Variants in ITGBL1 observed in about 807,000 individuals in gnomAD.
ITGBL1 encodes integrin subunit beta like 1.
Under a neutral mutation model 68.5 loss-of-function variants are expected in ITGBL1, and 51 were observed. The observed-to-expected ratio is 0.74, with a 90% CI of 0.59 to 0.94. The LOEUF is 0.94. Among genes scored for constraint, ITGBL1 ranks in the 40% least tolerant of loss-of-function variants. The probability of loss-of-function intolerance (pLI) is 0.00; values close to 1 mark genes in which losing one functional copy is unlikely to be tolerated. For missense variants in ITGBL1, 649 were observed against 647.4 expected, an observed-to-expected ratio of 1.00 and a Z score of -0.03; for synonymous variants, 209 against 227.3, an observed-to-expected ratio of 0.92 and a Z score of 0.72.
chr13:101,617,568 A>T (rs1400956288), intron 7 of ITGBL1, among the ~76,000 whole-genome samples: 1 of 152,186 alleles, frequency 6.6e-6, no homozygotes, highest in East Asian at 1.9e-4. Context: ...TTTCTATGCT[A>T]ATCAAGTTTC....
At chr13:101,511,922 A>C (rs1370976206) in intron 2 of ITGBL1, among the ~76,000 whole-genome samples, 1 of 152,108 alleles carries the variant, frequency 6.6e-6, no homozygotes, top group Non-Finnish European at 1.5e-5. Context: ...TGAAAACCAG[A>C]AGTCTCCTTG....
At chr13:101,482,292 A>G (rs2139041441) in intron 2 of ITGBL1, among the ~76,000 whole-genome samples, 1 of 151,704 alleles carries the variant, frequency 6.6e-6, no homozygotes, top group South Asian at 2.1e-4. Context: ...AAAATTATAG[A>G]TTGCATGTTA....
At chr13:101,639,828 A>G (rs532517414) in intron 7 of ITGBL1, among the ~76,000 whole-genome samples, 2 of 152,348 alleles carry the variant, frequency 1.3e-5, no homozygotes, top group East Asian at 1.9e-4. Context: ...TTATCAGAAT[A>G]GCACTATATA....
chr13:101,643,065 A>G (rs1338116837), intron 7 of ITGBL1, among the ~76,000 whole-genome samples: 1 of 148,480 alleles, frequency 6.7e-6, no homozygotes, highest in Non-Finnish European at 1.5e-5. Context: ...TTGGTTCCAT[A>G]TGAACTTTAA....
chr13:101,522,048 G>T (rs142595809), intron 2 of ITGBL1, among the ~76,000 whole-genome samples: 1 of 151,886 alleles, frequency 6.6e-6, no homozygotes, highest in Non-Finnish European at 1.5e-5. Flanking sequence ...AGAGAGAAGA[G>T]AGCAAAGAGA....
intron 7 of ITGBL1, among the ~76,000 whole-genome samples, chr13:101,630,741 T>A (rs1338076675): frequency 6.6e-6 from 1 of 152,212 alleles, no homozygotes; most frequent in Non-Finnish European, 1.5e-5. Context: ...TGATCTGCAT[T>A]GTTTTCAATG....
At chr13:101,691,237 G>T (rs544864571) in intron 7 of ITGBL1, among the ~76,000 whole-genome samples, 1 of 152,276 alleles carries the variant, frequency 6.6e-6, no homozygotes, top group East Asian at 1.9e-4. Flanking sequence ...CTGAACCTGG[G>T]ACTACCTCCA....
At chr13:101,475,250 T>C (rs1023078297) in intron 2 of ITGBL1, among the ~76,000 whole-genome samples, 9 of 152,102 alleles carry the variant, frequency 5.9e-5, no homozygotes, top group African/African-American at 2.2e-4. Context: ...ATTGAAATAA[T>C]TAAAAAAAGC....
intron 2 of ITGBL1, among the ~76,000 whole-genome samples, chr13:101,532,312 AT>A (rs1308474257): frequency 6.6e-6 from 1 of 152,214 alleles, no homozygotes; most frequent in East Asian, 1.9e-4. Flanking sequence ...TATTCAGTAC[AT>A]TATCTATCAA....
chr13:101,601,376 C>CA (rs946872166), intron 7 of ITGBL1, among the ~76,000 whole-genome samples: 178 of 152,054 alleles, frequency 1.2e-3, no homozygotes, highest in African/African-American at 4.1e-3. Context: ...TTGAACTTTT[C>CA]AAAAAACCAG....
intron 2 of ITGBL1, among the ~76,000 whole-genome samples, chr13:101,507,990 A>G (rs1192021034): frequency 6.6e-6 from 1 of 152,120 alleles, no homozygotes; most frequent in Non-Finnish European, 1.5e-5. Flanking sequence ...AGCTGGCTCT[A>G]CAACTAACCT....
At chr13:101,507,971 T>C (rs894772260) in intron 2 of ITGBL1, among the ~76,000 whole-genome samples, 2 of 152,154 alleles carry the variant, frequency 1.3e-5, no homozygotes, top group African/African-American at 4.8e-5. Flanking sequence ...TCTGGACCTC[T>C]CTTTCTGCAG....
At chr13:101,647,138 A>G (rs1213284940) in intron 7 of ITGBL1, among the ~76,000 whole-genome samples, 1 of 152,178 alleles carries the variant, frequency 6.6e-6, no homozygotes, top group Non-Finnish European at 1.5e-5. Flanking sequence ...ATTCACTGAA[A>G]TATATGAAGT....
chr13:101,658,975 C>T (rs941820085), intron 7 of ITGBL1, among the ~76,000 whole-genome samples: 5 of 151,562 alleles, frequency 3.3e-5, no homozygotes, highest in Admixed American at 6.6e-5. Flanking sequence ...TAGACTACAG[C>T]ACTAACAAGT....
chr13:101,640,858 A>G (rs1307448362), intron 7 of ITGBL1, among the ~76,000 whole-genome samples: 2 of 152,172 alleles, frequency 1.3e-5, no homozygotes, highest in African/African-American at 4.8e-5. Context: ...GCTCCCACTT[A>G]TAAATGAAAA....
intron 8 of ITGBL1, among the ~76,000 whole-genome samples, chr13:101,698,750 A>G (rs2034061993): frequency 1.3e-5 from 2 of 152,234 alleles, no homozygotes; most frequent in Non-Finnish European, 1.5e-5. Flanking sequence ...AGATTACACA[A>G]GTGAAATATA....
At chr13:101,534,488 T>C (rs2049536685) in intron 2 of ITGBL1, among the ~76,000 whole-genome samples, 3 of 152,226 alleles carry the variant, frequency 2.0e-5, no homozygotes, top group South Asian at 4.1e-4. Context: ...AAGATTCACA[T>C]ACACCAGTAA....
intron 2 of ITGBL1, among the ~76,000 whole-genome samples, chr13:101,503,481 G>A (rs1269620185): frequency 6.6e-6 from 1 of 152,142 alleles, no homozygotes; most frequent in Non-Finnish European, 1.5e-5. Flanking sequence ...TGGGGGCTGG[G>A]ATCAAGAAAG....
rs1335409073 is a variant in ITGBL1, at chr13:101,598,327, C to T, written c.1015+28C>T. The T allele has an allele frequency of 4.0e-5, 62 of 1,535,136 alleles. No homozygotes were observed. The Middle Eastern group carries it at 5.2e-4, about 13-fold the overall frequency. ...AAGTGAGGTCTCTCAGGGCTTCCCA[C>T]GGCCTCTCCATCACAATTCAAATGA... On this transcript the variant is annotated intron_variant, in intron 7 of 10. Coordinates refer to ENST00000376180, the MANE Select transcript of ITGBL1 (RefSeq NM_004791.3).
Sources: gnomAD v4.1 joint callset for allele counts (sites outside exome capture counted in the v4.1 genomes callset) on GRCh38, gnomAD v4.1.1 for gene constraint, MANE v1.5 for transcripts, NCBI Gene and HGNC (gene_info 2026-07-23, HGNC 2026-07-21) for gene names.